Variants in CACNA1D observed in about 807,000 individuals in gnomAD.
The protein encoded by CACNA1D is calcium voltage-gated channel subunit alpha1 D.
A neutral mutation model predicts 257.1 loss-of-function variants in CACNA1D; 55 were observed. The observed-to-expected ratio is 0.21, with a 90% CI of 0.17 to 0.27. The LOEUF is 0.27. Ranked by LOEUF, CACNA1D falls within the 10% of genes least tolerant of loss-of-function variation. The probability of loss-of-function intolerance (pLI) is 1.00; values close to 1 mark genes in which losing one functional copy is unlikely to be tolerated. For missense variants in CACNA1D, 1,876 were observed against 2,784.0 expected (o/e 0.67, Z 7.34); for synonymous variants, 980 against 1,014.9 (o/e 0.97, Z 0.65).
chr3:53,503,402 A>G (rs934069557), intron 3 of CACNA1D, among the ~76,000 whole-genome samples: 2 of 152,260 alleles, frequency 1.3e-5, no homozygotes, highest in African/African-American at 4.8e-5. Flanking sequence ...GAGATAGATC[A>G]TCGTAGTCTA....
intron 3 of CACNA1D, among the ~76,000 whole-genome samples, chr3:53,624,742 T>G (rs2093737414): frequency 6.6e-6 from 1 of 152,242 alleles, no homozygotes; most frequent in Admixed American, 6.5e-5. Context: ...AATCAGTAAT[T>G]GGAAATAGAA....
In CACNA1D at chr3:53,800,380, C is replaced by G; in HGVS notation, c.5040+15C>G. 4 of 1,495,192 alleles carry G rather than the reference C, an allele frequency of 2.7e-6. No homozygotes were observed. Among genetic ancestry groups the G allele is most frequent in the Non-Finnish European group, 3.7e-6 (4 of 1,071,334 alleles). 92.6% of individuals were successfully genotyped at this position (1,495,192 alleles called of 1,614,324 possible). On this transcript the variant is annotated intron_variant, in intron 41 of 47. Transcript: ENST00000350061. This position sits in a 1 kb window ranked among gnomAD's most constrained non-coding sequence, Gnocchi z 4.3. ...ATGTGTTCAAAGTAATTATTCCACG[C>G]CTAGCTACACACTGGCCATCTGGAA... is the stretch of plus-strand genomic sequence containing the variant.
At chr3:53,761,695 T>G (rs1486279717) in intron 29 of CACNA1D, among the ~76,000 whole-genome samples, 3 of 152,126 alleles carry the variant, frequency 2.0e-5, no homozygotes, top group Non-Finnish European at 4.4e-5. Context: ...CAAAATGCCT[T>G]CCTCTGCCCT....
chr3:53,584,219 G>C (rs2093177671), intron 3 of CACNA1D, among the ~76,000 whole-genome samples: 1 of 152,178 alleles, frequency 6.6e-6, no homozygotes, highest in Non-Finnish European at 1.5e-5. Flanking sequence ...TGTCTAATAT[G>C]TGCTGAGGAG....
At chr3:53,779,020 CG>C (rs2109054166) in intron 37 of CACNA1D, among the ~76,000 whole-genome samples, 1 of 152,274 alleles carries the variant, frequency 6.6e-6, no homozygotes, top group Admixed American at 6.5e-5. Flanking sequence ...TGCTTGGAGC[CG>C]GGCACGGTGG....
Position 53,703,887 on chromosome 3 carries a change from T to C in CACNA1D, c.1390+1077T>C, listed in dbSNP as rs575679457. ...GGGGAGCAGAGCTGCAGGGCACACA[T>C]AGAGGGCAGGCACCGCCGACGAGGG... is the stretch of plus-strand genomic sequence containing the variant. On this transcript the variant is annotated intron_variant, in intron 9 of 47. Transcript: ENST00000350061. Among the ~76,000 whole-genome samples, 16 of 151,996 alleles carry C rather than the reference T, an allele frequency of 1.1e-4. No individual in the cohort carries two copies. The East Asian group carries it at 1.9e-3, about 18-fold the overall frequency.
chr3:53,622,257 G>T (rs1389279577), intron 3 of CACNA1D, among the ~76,000 whole-genome samples: 3 of 152,132 alleles, frequency 2.0e-5, no homozygotes, highest in African/African-American at 7.2e-5. Context: ...CACCATGTTG[G>T]CCAGGCTGAT....
intron 15 of CACNA1D, among the ~76,000 whole-genome samples, chr3:53,728,207 C>T (rs986060380): frequency 6.6e-5 from 10 of 152,270 alleles, no homozygotes; most frequent in Middle Eastern, 3.4e-3. Context: ...GGTGCAATCT[C>T]GGCTCACTGC....
intron 3 of CACNA1D, among the ~76,000 whole-genome samples, chr3:53,573,232 G>T (rs2092978455): frequency 6.6e-6 from 1 of 152,018 alleles, no homozygotes; most frequent in Admixed American, 6.5e-5. Flanking sequence ...GTTATTCTCT[G>T]TGCCAACTGC....
At chr3:53,584,998 G>A (rs975196068) in intron 3 of CACNA1D, among the ~76,000 whole-genome samples, 17 of 151,088 alleles carry the variant, frequency 1.1e-4, no homozygotes, top group African/African-American at 3.4e-4. Flanking sequence ...AGCTTAATTC[G>A]TGCCTTTTCT....
intron 46 of CACNA1D, 124 bp downstream of exon 46, chr3:53,808,894 C>A: frequency 1.0e-6 from 1 of 978,342 alleles, no homozygotes; most frequent in African/African-American, 1.6e-5. Context: ...CACCTACAGT[C>A]TAGTTAATCT....
At chr3:53,566,759 G>A (rs1017182994) in intron 3 of CACNA1D, among the ~76,000 whole-genome samples, 7 of 152,132 alleles carry the variant, frequency 4.6e-5, no homozygotes, top group African/African-American at 7.2e-5. Flanking sequence ...GAGCTCCTGC[G>A]GCAGCTTGCT....
intron 39 of CACNA1D, chr3:53,782,510 G>A (rs963302001): frequency 4.6e-5 from 7 of 151,952 alleles, no homozygotes; most frequent in South Asian, 2.1e-4. Context: ...CACGGCTTTC[G>A]AGACTGGTCT....
At chr3:53,611,277 C>G (rs2093579928) in intron 3 of CACNA1D, among the ~76,000 whole-genome samples, 1 of 152,120 alleles carries the variant, frequency 6.6e-6, no homozygotes, top group Non-Finnish European at 1.5e-5. Flanking sequence ...ACCAGATGCT[C>G]TGGAGGCTGA....
At chr3:53,713,898 C>T (rs1043583930) in intron 9 of CACNA1D, among the ~76,000 whole-genome samples, 1 of 152,020 alleles carries the variant, frequency 6.6e-6, no homozygotes, top group Non-Finnish European at 1.5e-5. Context: ...CCAGGCCCCC[C>T]GCCACCAATC....
chr3:53,542,940 T>C lies in CACNA1D; in HGVS notation c.483+41220T>C, dbSNP rs943271030. On this transcript the variant is annotated intron_variant, in intron 3 of 47. Transcript: ENST00000350061. ...GGTGGCGCATGCCTGTAATCCCAGC[T>C]ACTTGGGAGGCTGAGGCAGGAGAAT... 2.1e-4 allele frequency among the ~76,000 whole-genome samples: 32 copies of C among 151,900 alleles called. 2 individuals are homozygous for C. The highest frequency in any genetic ancestry group is 2.9e-5 in the Non-Finnish European group (2 of 67,980).
intron 3 of CACNA1D, among the ~76,000 whole-genome samples, chr3:53,585,030 C>CTT (rs35767566): frequency 2.2e-3 from 308 of 140,708 alleles, no homozygotes; most frequent in Middle Eastern, 7.4e-3. Flanking sequence ...GTTCTTTTGT[C>CTT]TTTTTTTTTT....
At chr3:53,624,401 C>T (rs943634010) in intron 3 of CACNA1D, among the ~76,000 whole-genome samples, 7 of 152,204 alleles carry the variant, frequency 4.6e-5, no homozygotes, top group Non-Finnish European at 8.8e-5. Context: ...TGCGTGATAA[C>T]GAAGACAACA....
intron 3 of CACNA1D, among the ~76,000 whole-genome samples, chr3:53,643,981 G>A (rs185141937): frequency 6.6e-6 from 1 of 152,324 alleles, no homozygotes; most frequent in Admixed American, 6.5e-5. Context: ...ACCAGGGGGC[G>A]CTGGTATCAT....
Sources: allele counts gnomAD v4.1 joint callset (sites outside exome capture counted in the v4.1 genomes callset), GRCh38; gene constraint gnomAD v4.1.1; non-coding constraint Gnocchi (gnomAD v3.1); transcripts MANE v1.5; gene names NCBI Gene and HGNC (gene_info 2026-07-23, HGNC 2026-07-21).